The following CRIM1 variants were observed in gnomAD, a reference collection of about 807,000 sequenced individuals.
The protein encoded by CRIM1 is cysteine rich transmembrane BMP regulator 1.
In CRIM1, 32 loss-of-function variants were observed where a neutral mutation model predicts 116.4. The observed-to-expected ratio is 0.27, with a 90% CI of 0.21 to 0.37. The LOEUF is 0.37. CRIM1 is among the 10% of genes least tolerant of loss of function. The pLI is 1.00. For synonymous variants in CRIM1, 590 were observed against 509.2 expected, an observed-to-expected ratio of 1.16 and a Z score of -2.13; for missense variants, 1,331 against 1,354.8, an observed-to-expected ratio of 0.98 and a Z score of 0.28.
Position 36,517,476 on chromosome 2 carries a change from G to A in CRIM1, c.2140G>A (p.Val714Met). ...HSGRVLCETE[V>M]CPPLLCQNPS... is the part of the protein sequence containing the mutation. ...CGGACGGGTGCTGTGTGAGACAGAG[G>A]TGTGCCCACCGCTGCTCTGCCAGAA... The change falls in exon 12 of 17, where the codon GTG becomes ATG. Residue 714 changes from valine to methionine, a missense_variant. Coordinates refer to ENST00000280527, the MANE Select transcript of CRIM1 (RefSeq NM_016441.3). 2 of 1,614,240 alleles carry A rather than the reference G, an allele frequency of 1.2e-6. No homozygotes were observed. The highest frequency in any genetic ancestry group is 1.7e-6 in the Non-Finnish European group (2 of 1,180,028).
In CRIM1 at chr2:36,548,711, A is replaced by G; in HGVS notation, c.*10A>G. 8.3e-6 allele frequency: 13 copies of G among 1,569,654 alleles called. No homozygotes were observed. Among genetic ancestry groups the G allele is most frequent in the Non-Finnish European group, 1.1e-5 (13 of 1,163,746 alleles). On this transcript the variant is annotated 3_prime_UTR_variant, in exon 17 of 17. Coordinates refer to ENST00000280527, the MANE Select transcript of CRIM1 (RefSeq NM_016441.3). ...CTACCAAACAGTGTGAAGAAAGGCA[A>G]CTAGGATGAGGTTTCAAAAGACGGA...
At chr2:36,518,900 G>A (rs1351126165) in intron 12 of CRIM1, among the ~76,000 whole-genome samples, 2 of 152,170 alleles carry the variant, frequency 1.3e-5, no homozygotes, top group African/African-American at 4.8e-5. Flanking sequence ...TAGAATGCCT[G>A]AATTGAACTA....
Position 36,508,656 on chromosome 2 carries a change from T to G in CRIM1, c.1502-1327T>G, listed in dbSNP as rs563966584. On this transcript the variant is annotated intron_variant, in intron 8 of 16. Coordinates refer to ENST00000280527, the MANE Select transcript of CRIM1 (RefSeq NM_016441.3). ...TTTGATTGTCTTTCAAATTCTATAT[T>G]TAATTCACACAGGTCTCAACTTGCT... Among the ~76,000 whole-genome samples, 7 of 152,372 alleles carry G rather than the reference T, an allele frequency of 4.6e-5. No homozygotes were observed. The South Asian group carries it at 1.4e-3, about 32-fold the overall frequency.
At chr2:36,408,034 A>T (rs1174338094) in intron 2 of CRIM1, among the ~76,000 whole-genome samples, 2 of 152,166 alleles carry the variant, frequency 1.3e-5, no homozygotes, top group Non-Finnish European at 2.9e-5. Context: ...ACCTAATCCC[A>T]GGTTGGTTAA....
At chr2:36,544,291 T>C in intron 14 of CRIM1, 85 bp from the exon 15 acceptor site, 1 of 1,195,948 alleles carries the variant, frequency 8.4e-7, no homozygotes, top group Non-Finnish European at 1.1e-6. Flanking sequence ...GGTCTTGAAT[T>C]GAGTGCACCA....
At chr2:36,468,026 C>G (rs79522907) in intron 5 of CRIM1, among the ~76,000 whole-genome samples, 1,617 of 152,242 alleles carry the variant, frequency 0.011, 29 homozygotes, top group African/African-American at 0.037. Flanking sequence ...AACTCAGTTC[C>G]AAAAGGTCAG....
At chr2:36,456,845 GC>G (rs1360448833) in intron 4 of CRIM1, among the ~76,000 whole-genome samples, 1 of 149,678 alleles carries the variant, frequency 6.7e-6, no homozygotes, top group Non-Finnish European at 1.5e-5. Context: ...TTTTTTTTTA[GC>G]CACTCACGTC....
At chr2:36,504,034 TCA>T (rs1681205253) in intron 8 of CRIM1, among the ~76,000 whole-genome samples, 1 of 151,962 alleles carries the variant, frequency 6.6e-6, no homozygotes. Context: ...CACACCCAGC[TCA>T]TTTTTTTTGT....
At chr2:36,436,530 C>T (rs1257426912) in intron 2 of CRIM1, among the ~76,000 whole-genome samples, 4 of 152,002 alleles carry the variant, frequency 2.6e-5, no homozygotes, top group South Asian at 2.1e-4. Flanking sequence ...GTTACTGGCT[C>T]GTAGTAGATT....
intron 7 of CRIM1, among the ~76,000 whole-genome samples, chr2:36,480,529 A>G (rs1679328080): frequency 1.3e-5 from 2 of 152,214 alleles, no homozygotes; most frequent in African/African-American, 2.4e-5. Flanking sequence ...ATTTCTAAAA[A>G]CAGATATTGA....
intron 7 of CRIM1, among the ~76,000 whole-genome samples, chr2:36,482,406 C>G (rs1277791633): frequency 6.6e-6 from 1 of 152,110 alleles, no homozygotes; most frequent in Non-Finnish European, 1.5e-5. Context: ...TTTATGGCTA[C>G]TAATAATAAA....
chr2:36,489,528 C>T (rs1489057220), intron 7 of CRIM1, among the ~76,000 whole-genome samples: 2 of 152,132 alleles, frequency 1.3e-5, no homozygotes, highest in African/African-American at 4.8e-5. Context: ...AGTCCTGTGA[C>T]AGAGATACTA....
At chr2:36,503,735 C>A (rs143399876) in intron 8 of CRIM1, among the ~76,000 whole-genome samples, 74 of 152,232 alleles carry the variant, frequency 4.9e-4, no homozygotes, top group African/African-American at 1.7e-3. Context: ...ATTGCAGCTG[C>A]TTTATATAGG....
chr2:36,473,711 C>T (rs1451069408), intron 5 of CRIM1, among the ~76,000 whole-genome samples: 3 of 152,026 alleles, frequency 2.0e-5, no homozygotes, highest in Non-Finnish European at 4.4e-5. Flanking sequence ...AACTTCATTT[C>T]TTTTTATGGC....
chr2:36,391,420 G>A (rs1671589818), intron 1 of CRIM1, among the ~76,000 whole-genome samples: 2 of 152,108 alleles, frequency 1.3e-5, no homozygotes, highest in African/African-American at 2.4e-5. Flanking sequence ...GAGCCACCGC[G>A]CCCGGCCCAC....
intron 14 of CRIM1, among the ~76,000 whole-genome samples, chr2:36,541,335 A>G (rs772832573): frequency 6.6e-6 from 1 of 152,212 alleles, no homozygotes; most frequent in Non-Finnish European, 1.5e-5. Flanking sequence ...AACATTCTGA[A>G]TATCCTCTTT....
chr2:36,547,248 C>T, intron 16 of CRIM1, 77 bp downstream of exon 16: 1 of 1,224,986 alleles, frequency 8.2e-7, no homozygotes, highest in Non-Finnish European at 1.2e-6. Flanking sequence ...TGCTTGAAAC[C>T]TTGTGTCTTA....
At chr2:36,490,896 G>A (rs1287438167) in intron 7 of CRIM1, among the ~76,000 whole-genome samples, 2 of 152,132 alleles carry the variant, frequency 1.3e-5, no homozygotes, top group Admixed American at 6.6e-5. Context: ...AGTCTGCCAG[G>A]CACCAGGATA....
intron 1 of CRIM1, among the ~76,000 whole-genome samples, chr2:36,387,614 C>A (rs1318613619): frequency 6.6e-6 from 1 of 152,164 alleles, no homozygotes; most frequent in African/African-American, 2.4e-5. Context: ...GCTAGGAAAA[C>A]ATGTAAATGG....
Sources: allele counts gnomAD v4.1 joint callset (sites outside exome capture counted in the v4.1 genomes callset), GRCh38; gene constraint gnomAD v4.1.1; transcripts MANE v1.5; gene names NCBI Gene and HGNC (gene_info 2026-07-23, HGNC 2026-07-21).